PTP4A3: variants seen among roughly 807,000 people sequenced by gnomAD.
The protein encoded by PTP4A3 is protein tyrosine phosphatase type IVA 3.
PTP4A3 carries 9 observed loss-of-function variants against 15.2 expected under a neutral mutation model. The ratio of observed to expected loss-of-function variants is 0.59; its 90% CI spans 0.36 to 1.03. The LOEUF (loss-of-function observed/expected upper bound fraction) is 1.03, where lower values mean the gene tolerates loss of function less well. PTP4A3 is among the 50% of genes least tolerant of loss of function. PTP4A3 has a pLI of 0.02. For synonymous variants in PTP4A3, 95 were observed against 102.0 expected (o/e 0.93, Z 0.41); for missense variants, 234 against 252.1 (o/e 0.93, Z 0.49).
intron 1 of PTP4A3, among the ~76,000 whole-genome samples, chr8:141,398,800 C>CA (rs1207327461): frequency 1.3e-5 from 2 of 152,110 alleles, no homozygotes. Context: ...TCAGTTTCCC[C>CA]TTCTGCAGGA....
intron 1 of PTP4A3, among the ~76,000 whole-genome samples, chr8:141,396,387 A>G (rs756891549): frequency 6.6e-5 from 10 of 152,126 alleles, no homozygotes; most frequent in South Asian, 2.1e-4. Context: ...TTTTGGGGAA[A>G]GGTCAGTAAA....
chr8:141,431,286 G>A lies in PTP4A3; in HGVS notation c.*242G>A, dbSNP rs1033771564. 16 of 559,536 alleles carry A rather than the reference G, an allele frequency of 2.9e-5. No individual in the cohort carries two copies. The highest frequency in any genetic ancestry group is 6.5e-5 in the Admixed American group (2 of 30,840). The allele number at this position is 559,536 out of a possible 1,614,324, so 34.7% of individuals were successfully genotyped here. On this transcript the variant is annotated 3_prime_UTR_variant, in exon 6 of 6. Transcript: ENST00000521578. ...GCCACTCCCTCTGGCGGCGCTGGCC[G>A]TGGCTCTGTCTCTCTGAGGTGGGTC...
intron 1 of PTP4A3, among the ~76,000 whole-genome samples, chr8:141,414,970 G>T (rs1178953104): frequency 2.8e-5 from 4 of 141,520 alleles, no homozygotes; most frequent in African/African-American, 1.0e-4. Context: ...CCTGCGGAAG[G>T]AACTATGTTA....
In PTP4A3 at chr8:141,431,236, C is replaced by A. The variant is rs1376337859; in HGVS notation, c.*192C>A. ...GAGGAGCCCCTCGGGCCCTGGGTGG[C>A]CTCTGGGCCCTTTCTCCTGTCTCCG... On this transcript the variant is annotated 3_prime_UTR_variant, in exon 6 of 6. Coordinates refer to ENST00000521578, the MANE Select transcript of PTP4A3 (RefSeq NM_032611.3). The A allele has an allele frequency of 1.7e-6, 1 of 597,818 alleles. No individual in the cohort carries two copies. Among genetic ancestry groups the A allele is most frequent in the East Asian group, 2.8e-5 (1 of 35,620 alleles). The allele number at this position is 597,818 out of a possible 1,614,324, so 37.0% of individuals were successfully genotyped here.
At chr8:141,427,109 G>T in intron 4 of PTP4A3, 40 bp downstream of exon 4, 1 of 1,583,512 alleles carries the variant, frequency 6.3e-7, no homozygotes, top group Non-Finnish European at 8.5e-7. Context: ...ATGTCAGGTG[G>T]TTGGGCATCT....
chr8:141,404,077 G>A (rs575347439), intron 1 of PTP4A3, among the ~76,000 whole-genome samples: 2 of 152,366 alleles, frequency 1.3e-5, no homozygotes, highest in Admixed American at 6.5e-5. Context: ...CCAGGGCCAC[G>A]GCGACACGCC....
intron 1 of PTP4A3, among the ~76,000 whole-genome samples, chr8:141,409,775 C>T (rs564237646): frequency 1.8e-4 from 27 of 152,352 alleles, no homozygotes; most frequent in Admixed American, 1.0e-3. Context: ...GGCTGCCCAG[C>T]GTGCCCAGCT....
At chr8:141,395,595 G>C (rs1832426732) in intron 1 of PTP4A3, among the ~76,000 whole-genome samples, 1 of 146,648 alleles carries the variant, frequency 6.8e-6, no homozygotes. Context: ...CCTCCCTCCT[G>C]CAGCCCCCGT....
chr8:141,394,752 A>G (rs1832395772), intron 1 of PTP4A3, among the ~76,000 whole-genome samples: 1 of 152,258 alleles, frequency 6.6e-6, no homozygotes, highest in Non-Finnish European at 1.5e-5. Flanking sequence ...ACCCATAGGC[A>G]GGGACCTGGG....
chr8:141,431,383 G>T lies in PTP4A3; in HGVS notation c.*339G>T, dbSNP rs959479493. The T allele has an allele frequency of 5.0e-5, 17 of 337,624 alleles. No individual in the cohort carries two copies. The highest frequency in any genetic ancestry group is 8.6e-5 in the Non-Finnish European group (16 of 185,104). 20.9% of individuals were successfully genotyped at this position (337,624 alleles called of 1,614,324 possible). On this transcript the variant is annotated 3_prime_UTR_variant, in exon 6 of 6. Transcript: ENST00000521578. ...TCTAGCCTGTTTGTTGTGGGGTGGGGGTATATTTTGTAACCACTGGGCCCC... is the reference window on the plus strand; with the variant it reads ...TCTAGCCTGTTTGTTGTGGGGTGGGTGTATATTTTGTAACCACTGGGCCCC...
intron 1 of PTP4A3, among the ~76,000 whole-genome samples, chr8:141,410,797 C>T (rs116541585): frequency 0.02 from 2,999 of 152,248 alleles, 109 homozygotes; most frequent in African/African-American, 0.068. Flanking sequence ...GGTCACACAG[C>T]CCTGTGTGAG....
At chr8:141,393,908 G>C (rs1020944797) in intron 1 of PTP4A3, among the ~76,000 whole-genome samples, 20 of 152,236 alleles carry the variant, frequency 1.3e-4, no homozygotes, top group African/African-American at 4.8e-4. Context: ...TGACATGAGG[G>C]CATGCTTAAC....
intron 1 of PTP4A3, among the ~76,000 whole-genome samples, chr8:141,407,391 G>A (rs1832757435): frequency 6.6e-6 from 1 of 152,162 alleles, no homozygotes; most frequent in Admixed American, 6.5e-5. Context: ...ACCTTGCACA[G>A]CCCCCTGGCT....
Position 141,422,091 on chromosome 8 carries a change from A to C in PTP4A3, c.-150A>C. The C allele has an allele frequency of 1.5e-6, 1 of 667,932 alleles. No individual in the cohort carries two copies. Among genetic ancestry groups the C allele is most frequent in the Non-Finnish European group, 2.6e-6 (1 of 385,332 alleles). The allele number at this position is 667,932 out of a possible 1,614,324, so 41.4% of individuals were successfully genotyped here. The stretch of plus-strand genomic sequence containing the variant: ...TATTTGCACAATATTTGTGCGGGGT[A>C]TGGGGGTGGGTTTTTAAATCTCGTT... On this transcript the variant is annotated 5_prime_UTR_variant, in exon 2 of 6. It removes an upstream start codon present in the reference 5' UTR. Transcript: ENST00000521578.
chr8:141,407,051 C>G (rs997882980), intron 1 of PTP4A3, among the ~76,000 whole-genome samples: 1 of 152,162 alleles, frequency 6.6e-6, no homozygotes, highest in African/African-American at 2.4e-5. Flanking sequence ...CCTGGAGAGT[C>G]CCTCCCCAAC....
Position 141,422,018 on chromosome 8 carries a change from C to A in PTP4A3, c.-223C>A, listed in dbSNP as rs561299220. On this transcript the variant is annotated 5_prime_UTR_variant, in exon 2 of 6. Coordinates refer to ENST00000521578, the MANE Select transcript of PTP4A3 (RefSeq NM_032611.3). ...TTTTCTTTTTTAAGAGTTGGGTTTT[C>A]TTTTTTAATTATCCAAACAGTGGGC... 2.0e-6 allele frequency: 1 copy of A among 497,002 alleles called. No individual in the cohort carries two copies. The highest frequency in any genetic ancestry group is 3.5e-6 in the Non-Finnish European group (1 of 283,576). The allele number at this position is 497,002 out of a possible 1,614,324, so 30.8% of individuals were successfully genotyped here. A position where few individuals can be genotyped will look rare whatever the true frequency, so the allele number is the denominator to read the frequency against.
At position 141,402,914 on chromosome 8, in the gene PTP4A3, G is replaced by A. The variant is rs563761653; in HGVS notation, c.-854+10830G>A. ...GGATCCAGGTGCCTGCGGGCAGCCC[G>A]GGGGCTTGTTTGTTGGGTGCCTGGC... On this transcript the variant is annotated intron_variant, in intron 1 of 5. Transcript: ENST00000521578. 1.6e-4 allele frequency among the ~76,000 whole-genome samples: 25 copies of A among 152,264 alleles called. 1 individual carries two copies. The South Asian group carries it at 4.4e-3, about 27-fold the overall frequency.
chr8:141,402,056 G>GA (rs1832607937), intron 1 of PTP4A3, among the ~76,000 whole-genome samples: 1 of 152,208 alleles, frequency 6.6e-6, no homozygotes, highest in African/African-American at 2.4e-5. Flanking sequence ...GCTGGAGGAG[G>GA]AGACCTGGGC....
rs777461985 is a variant in PTP4A3, at chr8:141,425,040, A to AC, written c.106-3dup. ...CCAGCCCTGCCTCCTCCGTCCTCCC[A>AC]CCCCCAGGACCTGAAGAAGTACGGG... On this transcript the variant is annotated splice_region_variant and splice_polypyrimidine_tract_variant and intron_variant, in intron 2 of 5. Transcript: ENST00000521578. This position sits in a 1 kb window ranked among gnomAD's most constrained non-coding sequence, Gnocchi z 4.2. 1.9e-6 allele frequency: 3 copies of AC among 1,609,456 alleles called. No homozygotes were observed. The highest frequency in any genetic ancestry group is 2.2e-5 in the South Asian group (2 of 90,960).
Sources: gnomAD v4.1 joint callset for allele counts (sites outside exome capture counted in the v4.1 genomes callset) on GRCh38, gnomAD v4.1.1 for gene constraint, Gnocchi (gnomAD v3.1) non-coding constraint, MANE v1.5 for transcripts, NCBI Gene and HGNC (gene_info 2026-07-23, HGNC 2026-07-21) for gene names.